Variants in USP25 observed in about 807,000 individuals in gnomAD.
USP25 encodes ubiquitin carboxyl-terminal hydrolase 25.
USP25 carries 85 observed loss-of-function variants against 158.5 expected under a neutral mutation model. That is an observed-to-expected ratio of 0.54 (90% CI 0.45 to 0.64). The LOEUF (loss-of-function observed/expected upper bound fraction) is 0.64. USP25 is among the 30% of genes least tolerant of loss of function. USP25 has a pLI of 0.00. For synonymous variants in USP25, 464 were observed against 460.4 expected, an observed-to-expected ratio of 1.01 and a Z score of -0.10; for missense variants, 1,242 against 1,327.3, an observed-to-expected ratio of 0.94 and a Z score of 1.00.
At chr21:15,756,412 C>A (rs540894192) in intron 1 of USP25, among the ~76,000 whole-genome samples, 1 of 152,090 alleles carries the variant, frequency 6.6e-6, no homozygotes, top group African/African-American at 2.4e-5. Flanking sequence ...GCATTGTTTT[C>A]GTAACCTCAA....
chr21:15,791,354 A>T, intron 4 of USP25, 148 bp from the exon 5 acceptor site: 1 of 854,048 alleles, frequency 1.2e-6, no homozygotes, highest in Non-Finnish European at 1.6e-6. Flanking sequence ...CACTGCTAAA[A>T]CGTGTATTTG....
At chr21:15,767,129 A>G (rs2123433538) in intron 3 of USP25, among the ~76,000 whole-genome samples, 1 of 152,166 alleles carries the variant, frequency 6.6e-6, no homozygotes, top group Non-Finnish European at 1.5e-5. Context: ...TCTAAGTTCA[A>G]GGCAAGCTGT....
chr21:15,869,776 A>C (rs1466868833), intron 22 of USP25, among the ~76,000 whole-genome samples: 1 of 152,144 alleles, frequency 6.6e-6, no homozygotes, highest in Non-Finnish European at 1.5e-5. Flanking sequence ...AATTTTTGAG[A>C]TGACCTGATT....
At chr21:15,830,637 A>G (rs753601160) in intron 15 of USP25, 36 bp downstream of exon 15, 4 of 1,422,602 alleles carry the variant, frequency 2.8e-6, no homozygotes, top group Middle Eastern at 2.1e-4. Context: ...CATTGTCAAA[A>G]TTATTTACAT....
At chr21:15,745,820 C>G (rs2123266573) in intron 1 of USP25, among the ~76,000 whole-genome samples, 1 of 152,220 alleles carries the variant, frequency 6.6e-6, no homozygotes, top group Middle Eastern at 3.4e-3. Context: ...TTTTTTCTCC[C>G]TGTGTTTTGT....
In USP25 at chr21:15,808,273, A is replaced by AG. The variant is rs902544788; in HGVS notation, c.781-534dup. On this transcript the variant is annotated intron_variant, in intron 7 of 25. Transcript: ENST00000400183. Reference sequence around the variant, plus strand: ...TCCGTGTTGGGAGAGCAAAGACCAAAGGCATGGTGAAAGGTGATAAATGGG... The same window carrying AG: ...TCCGTGTTGGGAGAGCAAAGACCAAAGGGCATGGTGAAAGGTGATAAATGGG... Among the ~76,000 whole-genome samples the AG allele has an allele frequency of 2.1e-4, 32 of 152,296 alleles. 1 individual carries two copies. Among genetic ancestry groups the AG allele is most frequent in the Admixed American group, 1.7e-3 (26 of 15,298 alleles).
At chr21:15,745,456 C>A (rs926530695) in intron 1 of USP25, among the ~76,000 whole-genome samples, 1 of 135,510 alleles carries the variant, frequency 7.4e-6, no homozygotes. Context: ...TAACCATTTT[C>A]TTTTTCTTTT....
At chr21:15,783,295 G>C (rs1361993300) in intron 4 of USP25, among the ~76,000 whole-genome samples, 2 of 152,110 alleles carry the variant, frequency 1.3e-5, no homozygotes, top group Admixed American at 6.5e-5. Context: ...TATTATGGGA[G>C]TGCCAGAGAA....
At chr21:15,730,461 C>A in intron 1 of USP25, 23 bp downstream of exon 1, 1 of 1,343,002 alleles carries the variant, frequency 7.4e-7, no homozygotes. Context: ...CGCCAGCCGG[C>A]GGGCCCCACT....
chr21:15,852,443 T>G (rs1205717483), intron 20 of USP25, among the ~76,000 whole-genome samples: 2 of 152,182 alleles, frequency 1.3e-5, no homozygotes, highest in Non-Finnish European at 2.9e-5. Flanking sequence ...ATTTATTTTA[T>G]TGAGTCATTG....
At chr21:15,747,679 T>C (rs563918097) in intron 1 of USP25, among the ~76,000 whole-genome samples, 130 of 152,198 alleles carry the variant, frequency 8.5e-4, no homozygotes, top group Non-Finnish European at 1.6e-3. Flanking sequence ...GTGGGTAGTA[T>C]ACACAGTGTG....
At chr21:15,872,867 G>A (rs1452236052) in intron 23 of USP25, among the ~76,000 whole-genome samples, 1 of 151,972 alleles carries the variant, frequency 6.6e-6, no homozygotes, top group Admixed American at 6.5e-5. Flanking sequence ...TTATTGGCAG[G>A]AGCGTCTAGA....
chr21:15,817,634 G>A (rs2037009033), intron 9 of USP25, among the ~76,000 whole-genome samples: 1 of 152,122 alleles, frequency 6.6e-6, no homozygotes, highest in Non-Finnish European at 1.5e-5. Flanking sequence ...GGCTGGGGAG[G>A]CCTAACATGG....
chr21:15,855,510 G>C (rs1243912145), intron 20 of USP25, among the ~76,000 whole-genome samples: 1 of 152,096 alleles, frequency 6.6e-6, no homozygotes, highest in Admixed American at 6.5e-5. Context: ...TTCCCTAAAG[G>C]TATACGCAGG....
At chr21:15,819,701 T>G (rs191450783) in intron 10 of USP25, among the ~76,000 whole-genome samples, 1 of 152,148 alleles carries the variant, frequency 6.6e-6, no homozygotes, top group African/African-American at 2.4e-5. Flanking sequence ...AGGTGCTTAA[T>G]AAATATTAAG....
intron 14 of USP25, 66 bp from the exon 15 acceptor site, chr21:15,830,462 CATT>C: frequency 7.3e-7 from 1 of 1,362,250 alleles, no homozygotes; most frequent in South Asian, 1.4e-5. Flanking sequence ...GTAGGAAAAA[CATT>C]AGTCCTTATC....
At chr21:15,862,713 A>C (rs919279798) in intron 20 of USP25, among the ~76,000 whole-genome samples, 3 of 150,830 alleles carry the variant, frequency 2.0e-5, no homozygotes, top group African/African-American at 7.3e-5. Flanking sequence ...GCTGTTATTT[A>C]TTCACATAAG....
chr21:15,734,305 C>T (rs1381291796), intron 1 of USP25, among the ~76,000 whole-genome samples: 3 of 152,118 alleles, frequency 2.0e-5, no homozygotes, highest in South Asian at 2.1e-4. Context: ...CATGTATTTT[C>T]CAATTTAGGA....
intron 17 of USP25, among the ~76,000 whole-genome samples, chr21:15,834,664 A>T (rs893462625): frequency 4.6e-5 from 7 of 152,202 alleles, no homozygotes; most frequent in African/African-American, 1.7e-4. Flanking sequence ...ATCTGTCCAG[A>T]TACTTAACTT....
Sources: allele counts gnomAD v4.1 joint callset (sites outside exome capture counted in the v4.1 genomes callset), GRCh38; gene constraint gnomAD v4.1.1; transcripts MANE v1.5; gene names NCBI Gene and HGNC (gene_info 2026-07-23, HGNC 2026-07-21).